The following NKAIN2 variants were observed in gnomAD, a reference collection of about 807,000 sequenced individuals.
NKAIN2 encodes the protein sodium/potassium transporting ATPase interacting 2.
A neutral mutation model predicts 32.6 loss-of-function variants in NKAIN2; 14 were observed. The observed-to-expected ratio is 0.43, with a 90% CI of 0.28 to 0.67. The LOEUF (loss-of-function observed/expected upper bound fraction) is 0.67, where lower values mean the gene tolerates loss of function less well. NKAIN2 is among the 30% of genes least tolerant of loss of function. The probability of loss-of-function intolerance (pLI) is 0.17; values close to 1 mark genes in which losing one functional copy is unlikely to be tolerated. For synonymous variants in NKAIN2, 80 were observed against 87.2 expected (o/e 0.92, Z 0.46); for missense variants, 198 against 258.3 (o/e 0.77, Z 1.60).
chr6:124,810,197 G>A (rs1306369563), intron 5 of NKAIN2, among the ~76,000 whole-genome samples: 3 of 151,824 alleles, frequency 2.0e-5, no homozygotes, highest in Admixed American at 6.6e-5. Flanking sequence ...TGTTTATTGC[G>A]GCACTATTCA....
intron 4 of NKAIN2, among the ~76,000 whole-genome samples, chr6:124,708,977 G>C (rs1246785733): frequency 1.4e-5 from 2 of 147,322 alleles, no homozygotes; most frequent in South Asian, 2.2e-4. Flanking sequence ...CTGTGGGTTT[G>C]TCATAGATAG....
intron 3 of NKAIN2, among the ~76,000 whole-genome samples, chr6:124,367,342 A>G (rs1168038884): frequency 6.6e-6 from 1 of 152,162 alleles, no homozygotes; most frequent in African/African-American, 2.4e-5. Flanking sequence ...AATGAAATCA[A>G]ATGGTAATAG....
intron 1 of NKAIN2, among the ~76,000 whole-genome samples, chr6:123,923,953 TA>T (rs1308622932): frequency 1.4e-5 from 2 of 145,804 alleles, no homozygotes; most frequent in Non-Finnish European, 3.0e-5. Flanking sequence ...ATAATAAAAA[TA>T]AAAAAAATTA....
intron 3 of NKAIN2, among the ~76,000 whole-genome samples, chr6:124,486,790 G>A (rs1439177952): frequency 6.6e-6 from 1 of 151,874 alleles, no homozygotes; most frequent in Admixed American, 6.6e-5. Context: ...GAACCCATTA[G>A]GGTGCCTCAC....
intron 3 of NKAIN2, among the ~76,000 whole-genome samples, chr6:124,613,719 C>T (rs1782779077): frequency 6.6e-6 from 1 of 152,010 alleles, no homozygotes; most frequent in South Asian, 2.1e-4. Context: ...ATCAAGCTAA[C>T]CTTTCCTTAC....
chr6:123,867,748 C>T (rs1487789776), intron 1 of NKAIN2, among the ~76,000 whole-genome samples: 1 of 152,118 alleles, frequency 6.6e-6, no homozygotes, highest in African/African-American at 2.4e-5. Flanking sequence ...TTCTCTGAAT[C>T]TTTCTCAAAG....
At chr6:124,682,442 A>C (rs1177300608) in intron 4 of NKAIN2, among the ~76,000 whole-genome samples, 1 of 152,202 alleles carries the variant, frequency 6.6e-6, no homozygotes, top group Admixed American at 6.5e-5. Context: ...GTAGGAGCAT[A>C]AGATTAAAAA....
At chr6:124,571,144 G>A (rs376556921) in intron 3 of NKAIN2, among the ~76,000 whole-genome samples, 20 of 152,206 alleles carry the variant, frequency 1.3e-4, no homozygotes, top group African/African-American at 3.6e-4. Flanking sequence ...CCCAATACCC[G>A]TACCGCCATT....
At chr6:123,978,938 A>G (rs1778767813) in intron 1 of NKAIN2, among the ~76,000 whole-genome samples, 1 of 152,160 alleles carries the variant, frequency 6.6e-6, no homozygotes, top group African/African-American at 2.4e-5. Context: ...TGATTAGGAC[A>G]TTACCCTGTA....
intron 1 of NKAIN2, among the ~76,000 whole-genome samples, chr6:123,947,260 G>C (rs575201810): frequency 1.3e-5 from 2 of 152,230 alleles, no homozygotes; most frequent in South Asian, 4.1e-4. Context: ...CACAATACTT[G>C]GACTTTTTCT....
chr6:124,607,273 G>A (rs1004853114), intron 3 of NKAIN2, among the ~76,000 whole-genome samples: 6 of 152,068 alleles, frequency 3.9e-5, no homozygotes, highest in East Asian at 1.9e-4. Context: ...TAAATTTAGT[G>A]AGAGTTTATT....
chr6:124,692,913 AT>A (rs1774328813), intron 4 of NKAIN2, among the ~76,000 whole-genome samples: 1 of 152,190 alleles, frequency 6.6e-6, no homozygotes, highest in Non-Finnish European at 1.5e-5. Flanking sequence ...TACAGGAAAC[AT>A]TTTTATGGTT....
At chr6:124,378,941 T>A (rs80053227) in intron 3 of NKAIN2, among the ~76,000 whole-genome samples, 4 of 148,304 alleles carry the variant, frequency 2.7e-5, no homozygotes, top group Admixed American at 6.8e-5. Flanking sequence ...TTTTTTTTTT[T>A]AATAGCTGGG....
chr6:124,412,868 C>A (rs1204792820), intron 3 of NKAIN2, among the ~76,000 whole-genome samples: 1 of 152,166 alleles, frequency 6.6e-6, no homozygotes, highest in Non-Finnish European at 1.5e-5. Context: ...CAAGCCTGGG[C>A]AATGGCGGGC....
intron 2 of NKAIN2, among the ~76,000 whole-genome samples, chr6:124,346,242 C>T (rs1798416605): frequency 6.6e-6 from 1 of 152,062 alleles, no homozygotes; most frequent in Non-Finnish European, 1.5e-5. Flanking sequence ...CTGAGGAGAG[C>T]TTTACTTGCA....
At chr6:124,493,568 T>C (rs1485552798) in intron 3 of NKAIN2, among the ~76,000 whole-genome samples, 1 of 151,878 alleles carries the variant, frequency 6.6e-6, no homozygotes, top group Non-Finnish European at 1.5e-5. Flanking sequence ...TAAGAGGTAA[T>C]TGTCAGTTGA....
chr6:124,419,457 C>A (rs906094897), intron 3 of NKAIN2, among the ~76,000 whole-genome samples: 2 of 152,106 alleles, frequency 1.3e-5, no homozygotes, highest in Non-Finnish European at 2.9e-5. Flanking sequence ...GGATTCATAA[C>A]CAAGGTGCTC....
At chr6:124,394,671 G>C (rs1207617840) in intron 3 of NKAIN2, among the ~76,000 whole-genome samples, 1 of 149,762 alleles carries the variant, frequency 6.7e-6, no homozygotes, top group Non-Finnish European at 1.5e-5. Flanking sequence ...AAAAAAAACA[G>C]TGTCCCAGGT....
chr6:124,511,811 C>G (rs553228827), intron 3 of NKAIN2, among the ~76,000 whole-genome samples: 23 of 152,222 alleles, frequency 1.5e-4, no homozygotes, highest in African/African-American at 4.6e-4. Flanking sequence ...ATCTTGCCCT[C>G]TTTTCAAGCT....
Sources: gnomAD v4.1 joint callset for allele counts (sites outside exome capture counted in the v4.1 genomes callset) on GRCh38, gnomAD v4.1.1 for gene constraint, MANE v1.5 for transcripts, NCBI Gene and HGNC (gene_info 2026-07-23, HGNC 2026-07-21) for gene names.